Variants in PTCH1 observed in about 807,000 individuals in gnomAD.
The protein encoded by PTCH1 is protein patched homolog 1.
PTCH1 carries 14 observed loss-of-function variants against 144.6 expected under a neutral mutation model. The ratio of observed to expected loss-of-function variants is 0.10; its 90% CI spans 0.06 to 0.15. The LOEUF is 0.15. Ranked by LOEUF, PTCH1 falls within the 10% of genes least tolerant of loss-of-function variation. PTCH1 has a pLI of 1.00. For missense variants in PTCH1, 1,623 were observed against 1,948.3 expected (o/e 0.83, Z 3.14); for synonymous variants, 833 against 793.6 (o/e 1.05, Z -0.83).
intron 19 of PTCH1, among the ~76,000 whole-genome samples, chr9:95,455,744 G>A (rs1183014604): frequency 6.6e-6 from 1 of 152,188 alleles, no homozygotes; most frequent in Non-Finnish European, 1.5e-5. Context: ...GGCTTAGGTA[G>A]AAGAGCCAGT....
Position 95,464,414 on chromosome 9 carries a change from T to C in PTCH1, c.2561-2416A>G, listed in dbSNP as rs181889018. 4.1e-4 allele frequency among the ~76,000 whole-genome samples: 62 copies of C among 152,360 alleles called. 1 individual carries two copies. In the East Asian group the frequency reaches 0.012, roughly 28 times the overall value. On this transcript the variant is annotated intron_variant, in intron 15 of 23. Transcript: ENST00000331920. ...CAAACCTTAATATCTTAGCTAGAAGTTCTCCTCTTATGAATATTTTGTGTC... is the reference window on the plus strand; with the variant it reads ...CAAACCTTAATATCTTAGCTAGAAGCTCTCCTCTTATGAATATTTTGTGTC...
chr9:95,484,778 T>C (rs1183056607), intron 3 of PTCH1, among the ~76,000 whole-genome samples: 1 of 152,162 alleles, frequency 6.6e-6, no homozygotes, highest in East Asian at 1.9e-4. Context: ...AGACAAGAGG[T>C]GGCCCCTGCC....
In PTCH1 at chr9:95,477,647, G is replaced by A. The variant is rs2118308636; in HGVS notation, c.1403C>T (p.Ala468Val). The part of the protein sequence containing the change: ...LRWDCSKSQG[A>V]VGLAGVLLVA... ...CAGCAGGACGCCAGCCAGCCCCACG[G>A]CACCCTGGGACTTGGAGCAGTCCCA... The change falls in exon 10 of 24, where the codon GCC becomes GTC. Residue 468 changes from alanine (A) to valine (V), a missense_variant. Ala to Val is a moderately conservative substitution (Grantham distance 64, BLOSUM62 0). Coordinates refer to ENST00000331920, the MANE Select transcript of PTCH1 (RefSeq NM_000264.5). The A allele has an allele frequency of 6.2e-7, 1 of 1,614,190 alleles. No individual in the cohort carries two copies. The highest frequency in any genetic ancestry group is 2.2e-5 in the East Asian group (1 of 44,876).
chr9:95,447,455 C>T lies in PTCH1; in HGVS notation c.3805-4G>A, dbSNP rs1060504537. On this transcript the variant is annotated splice_polypyrimidine_tract_variant and splice_region_variant and intron_variant, in intron 22 of 23. Transcript: ENST00000331920. The stretch of plus-strand genomic sequence containing the variant: ...GCCTGGATTCGGGATGGACCACCTG[C>T]AGAGGGTGAGGGTGGGTTAGAAGGG... 6.4e-7 allele frequency: 1 copy of T among 1,573,748 alleles called. No individual in the cohort carries two copies. The highest frequency in any genetic ancestry group is 8.6e-7 in the Non-Finnish European group (1 of 1,163,628).
chr9:95,445,577 A>T lies in PTCH1; in HGVS notation c.*816T>A, dbSNP rs1837815291. The T allele has an allele frequency of 6.6e-6, 1 of 152,216 alleles. No homozygotes were observed. The highest frequency in any genetic ancestry group is 2.4e-5 in the African/African-American group (1 of 41,442). 9.4% of individuals were successfully genotyped at this position (152,216 alleles called of 1,614,324 possible). A position where few individuals can be genotyped will look rare whatever the true frequency, so the allele number is the denominator to read the frequency against. On this transcript the variant is annotated 3_prime_UTR_variant, in exon 24 of 24. Transcript: ENST00000331920. ...TAAGAGATGCCGTAGACACGAGGAG[A>T]GTCTAGCTTTTGCCGGGCTGATTTG...
chr9:95,504,869 G>C (rs1843439783), intron 2 of PTCH1, among the ~76,000 whole-genome samples: 1 of 152,140 alleles, frequency 6.6e-6, no homozygotes, highest in African/African-American at 2.4e-5. Context: ...GCACACACTT[G>C]AGTCTCTTAT....
At chr9:95,465,304 A>C (rs919805852) in intron 15 of PTCH1, among the ~76,000 whole-genome samples, 5 of 152,152 alleles carry the variant, frequency 3.3e-5, no homozygotes, top group Non-Finnish European at 7.4e-5. Context: ...CTGCTCACAG[A>C]CTGGCAGGGC....
At chr9:95,450,173 A>G (rs1838341127) in intron 20 of PTCH1, 1 of 558,530 alleles carries the variant, frequency 1.8e-6, no homozygotes, top group East Asian at 3.1e-5. Flanking sequence ...TAGTTCATGA[A>G]GGGAAGAAAA....
intron 2 of PTCH1, among the ~76,000 whole-genome samples, chr9:95,488,584 A>G (rs1842155058): frequency 8.6e-6 from 1 of 116,678 alleles, no homozygotes; most frequent in Non-Finnish European, 1.6e-5. Flanking sequence ...TAGCTGTAAC[A>G]TGATTCATTC....
chr9:95,483,724 C>A (rs1363552495), intron 3 of PTCH1: 1 of 152,256 alleles, frequency 6.6e-6, no homozygotes, highest in Non-Finnish European at 1.5e-5. Flanking sequence ...TCTTTGAGAG[C>A]TGTGCCTAAC....
rs1840096220 is a variant in PTCH1, at chr9:95,467,308, A to C, written c.2368T>G (p.Phe790Val). Residue 790 changes from phenylalanine to valine, a missense_variant, in exon 15 of 24, where the codon TTT becomes GTT. By Grantham distance (50) the Phe-to-Val change is conservative. This residue lies in a region of PTCH1 where 504 missense variants were observed against 679.3 expected (regional missense o/e 0.74). Transcript: ENST00000331920. The stretch of plus-strand genomic sequence containing the variant: ...AAGTATTTGAATTGTGCAGCAATAA[A>C]GTCATATTCTCTGGTTTCCCGAGGT... ...IVPRETREYD[F>V]IAAQFKYFSF... is the part of the protein sequence containing the mutation. 1 of 1,614,204 alleles carries C rather than the reference A, an allele frequency of 6.2e-7. No individual in the cohort carries two copies. The highest frequency in any genetic ancestry group is 8.5e-7 in the Non-Finnish European group (1 of 1,180,026).
intron 23 of PTCH1, 176 bp downstream of exon 23, chr9:95,446,735 G>A (rs2136568724): frequency 1.3e-6 from 1 of 799,722 alleles, no homozygotes; most frequent in East Asian, 2.7e-5. Flanking sequence ...GGTTCCCCAA[G>A]GATGACAAAG....
Position 95,458,778 on chromosome 9 carries a change from T to TAC in PTCH1, c.2888-487_2888-486dup, listed in dbSNP as rs2047327046. ...CTTCAGCAACAGGGGAAGAAATCCT[T>TAC]ACACAACAAGCATTTAGTTACTGCC... On this transcript the variant is annotated intron_variant, in intron 17 of 23. Coordinates refer to ENST00000331920, the MANE Select transcript of PTCH1 (RefSeq NM_000264.5). The surrounding 1 kb of genome is among the most constrained non-coding windows in gnomAD (Gnocchi z 4.7). 6.6e-6 allele frequency among the ~76,000 whole-genome samples: 1 copy of TAC among 152,264 alleles called. No individual in the cohort carries two copies. Among genetic ancestry groups the TAC allele is most frequent in the South Asian group, 2.1e-4 (1 of 4,830 alleles).
chr9:95,477,990 G>GAAAAGTAAA, intron 9 of PTCH1, 65 bp downstream of exon 9: 1 of 1,610,574 alleles, frequency 6.2e-7, no homozygotes, highest in Non-Finnish European at 8.5e-7. Flanking sequence ...AGCAGTCATG[G>GAAAAGTAAA]AAAAGTAAAG....
intron 2 of PTCH1, among the ~76,000 whole-genome samples, chr9:95,493,801 C>CAAAA (rs373669113): frequency 6.8e-6 from 1 of 146,412 alleles, no homozygotes; most frequent in Non-Finnish European, 1.5e-5. Flanking sequence ...AATCGAAAAA[C>CAAAA]AAAAAAAAAA....
At chr9:95,504,246 T>A (rs1444775905) in intron 2 of PTCH1, among the ~76,000 whole-genome samples, 1 of 151,854 alleles carries the variant, frequency 6.6e-6, no homozygotes, top group Non-Finnish European at 1.5e-5. Flanking sequence ...CTCAGAAGTG[T>A]CCTCATCCAG....
upstream of PTCH1, among the ~76,000 whole-genome samples, chr9:95,509,595 G>GCGCACACACGCGCGCGCA (rs755859044): frequency 2.0e-5 from 3 of 152,130 alleles, no homozygotes; most frequent in Admixed American, 6.5e-5. Context: ...ATGCCTTTGC[G>GCGCACACACGCGCGCGCA]CGCACACACG....
At chr9:95,494,705 C>T (rs1310178505) in intron 2 of PTCH1, among the ~76,000 whole-genome samples, 1 of 152,170 alleles carries the variant, frequency 6.6e-6, no homozygotes, top group Non-Finnish European at 1.5e-5. Context: ...CAGCAGGCAG[C>T]AGAACCCAGG....
intron 2 of PTCH1, among the ~76,000 whole-genome samples, chr9:95,500,274 G>C (rs930519656): frequency 6.6e-6 from 1 of 152,170 alleles, no homozygotes; most frequent in African/African-American, 2.4e-5. Context: ...CAAAGAGATA[G>C]GGAGGATTCG....
Sources: gnomAD v4.1 joint callset for allele counts (sites outside exome capture counted in the v4.1 genomes callset) on GRCh38, gnomAD v4.1.1 for gene constraint, gnomAD v4.1.1 regional missense constraint, Gnocchi (gnomAD v3.1) non-coding constraint, MANE v1.5 for transcripts, NCBI Gene and HGNC (gene_info 2026-07-23, HGNC 2026-07-21) for gene names.